Variants in PCDHA4 observed in about 807,000 individuals in gnomAD.
The protein encoded by PCDHA4 is protocadherin alpha 4.
A neutral mutation model predicts 61.4 loss-of-function variants in PCDHA4; 49 were observed. That is an observed-to-expected ratio of 0.80 (90% CI 0.63 to 1.01). The LOEUF is 1.01. Ranked by LOEUF, PCDHA4 falls within the 50% of genes least tolerant of loss-of-function variation. The pLI is 0.00. For missense variants in PCDHA4, 1,254 were observed against 1,235.8 expected (o/e 1.01, Z -0.22); for synonymous variants, 590 against 550.3 (o/e 1.07, Z -1.01).
intron 1 of PCDHA4, chr5:140,843,550 T>C (rs1554140221): frequency 6.3e-7 from 1 of 1,595,798 alleles, no homozygotes; most frequent in African/African-American, 1.3e-5. Flanking sequence ...TGTGCTCCAG[T>C]GCGGTGGGGA....
intron 1 of PCDHA4, among the ~76,000 whole-genome samples, chr5:140,820,841 T>A (rs11167609): frequency 5.3e-5 from 8 of 151,748 alleles, no homozygotes; most frequent in African/African-American, 1.7e-4. Context: ...TAATAGCAAC[T>A]TGAAGAAATG....
At chr5:140,917,037 GCA>G (rs2077840325) in intron 1 of PCDHA4, among the ~76,000 whole-genome samples, 1 of 152,268 alleles carries the variant, frequency 6.6e-6, no homozygotes, top group African/African-American at 2.4e-5. Context: ...GCTGAGTCCA[GCA>G]CAGTGTTGTT....
At chr5:140,822,806 A>G (rs2150119518) in intron 1 of PCDHA4, 6 of 1,614,176 alleles carry the variant, frequency 3.7e-6, no homozygotes, top group Non-Finnish European at 5.1e-6. Context: ...GATGTGAATG[A>G]TAATACCCCA....
At chr5:140,844,931 A>G (rs1262967576) in intron 1 of PCDHA4, among the ~76,000 whole-genome samples, 1 of 149,362 alleles carries the variant, frequency 6.7e-6, no homozygotes, top group Non-Finnish European at 1.5e-5. Flanking sequence ...GAAGGGAATG[A>G]ACGATTTCTG....
chr5:140,914,288 T>C (rs2076666061), intron 1 of PCDHA4, among the ~76,000 whole-genome samples: 1 of 152,210 alleles, frequency 6.6e-6, no homozygotes, highest in African/African-American at 2.4e-5. Flanking sequence ...ATAATTGTTA[T>C]ATCCTCTTGC....
rs202099274 is a variant in PCDHA4 at position 140,842,659 on chromosome 5, C to G, written c.2385+33087C>G. The G allele has an allele frequency of 6.9e-6, 11 of 1,595,186 alleles. No individual in the cohort carries two copies. The South Asian group carries it at 1.2e-4, about 18-fold the overall frequency. ...CCGCCAGCTTGTCTGTGGAGGTGGC[C>G]GACGTGAACGACAATGCTCCGGCGT... On this transcript the variant is annotated intron_variant, in intron 1 of 3. Transcript: ENST00000530339.
At chr5:140,814,992 GT>G (rs1765632783) in intron 1 of PCDHA4, 1 of 152,092 alleles carries the variant, frequency 6.6e-6, no homozygotes, top group Admixed American at 6.5e-5. Flanking sequence ...TTTGTGTGAT[GT>G]AGCTGTTTCC....
In PCDHA4 at chr5:140,860,044, T is replaced by C. The variant is rs116974556; in HGVS notation, c.2385+50472T>C. On this transcript the variant is annotated intron_variant, in intron 1 of 3. Coordinates refer to ENST00000530339, the MANE Select transcript of PCDHA4 (RefSeq NM_018907.4). The stretch of plus-strand genomic sequence containing the variant: ...TGGCTCACACCTGTAATCCCAGCAT[T>C]TTGAGAGGCCAAGGTGGGAGGATGG... 10 of 151,928 alleles carry C rather than the reference T, an allele frequency of 6.6e-5. No homozygotes were observed. In the East Asian group the frequency reaches 1.9e-3, roughly 29 times the overall value. 9.4% of individuals were successfully genotyped at this position (151,928 alleles called of 1,614,324 possible).
intron 1 of PCDHA4, among the ~76,000 whole-genome samples, chr5:140,908,701 C>A (rs2074102440): frequency 6.6e-6 from 1 of 152,218 alleles, no homozygotes; most frequent in Admixed American, 6.5e-5. Context: ...ACACCTCAAG[C>A]ACCATTGGAT....
At chr5:140,998,943 G>T (rs1366415632) in intron 3 of PCDHA4, among the ~76,000 whole-genome samples, 2 of 152,212 alleles carry the variant, frequency 1.3e-5, no homozygotes, top group African/African-American at 2.4e-5. Flanking sequence ...TGAAGAAACT[G>T]TAAGTCAATG....
chr5:140,862,675 G>C, intron 1 of PCDHA4: 1 of 550,422 alleles, frequency 1.8e-6, no homozygotes, highest in Non-Finnish European at 3.6e-6. Context: ...GCAGGAGAAC[G>C]TGCTGGTGTC....
chr5:140,936,113 G>T (rs1316824905), intron 1 of PCDHA4, among the ~76,000 whole-genome samples: 1 of 151,964 alleles, frequency 6.6e-6, no homozygotes, highest in African/African-American at 2.4e-5. Flanking sequence ...GGCTGGTCTC[G>T]AACTCCTGAC....
chr5:140,808,463 A>T lies in PCDHA4; in HGVS notation c.1276A>T (p.Thr426Ser). 6.2e-7 allele frequency: 1 copy of T among 1,614,166 alleles called. No individual in the cohort carries two copies. The highest frequency in any genetic ancestry group is 8.5e-7 in the Non-Finnish European group (1 of 1,180,044). The change falls in exon 1 of 4, where the codon ACC becomes TCC. Residue 426 changes from threonine (T) to serine (S), a missense_variant. Physicochemically the swap from Thr to Ser is moderately conservative, Grantham distance 58 (BLOSUM62 1). Coordinates refer to ENST00000530339, the MANE Select transcript of PCDHA4 (RefSeq NM_018907.4). ...ESVSAYELVVTARDGGSPSLW... is the reference protein window; with the variant it reads ...ESVSAYELVVSARDGGSPSLW... The stretch of plus-strand genomic sequence containing the variant: ...CGTGTCAGCCTATGAGCTGGTGGTG[A>T]CCGCGCGAGACGGGGGCTCGCCTTC...
rs2150465616 is a variant in PCDHA4, at chr5:140,850,062, T to C, written c.2385+40490T>C. ...CGGCAAGGTGTACGCGCTGCAGCCG[T>C]TGGACCACGAGGAGCTGGAGCTGCT... On this transcript the variant is annotated intron_variant, in intron 1 of 3. Transcript: ENST00000530339. 1.4e-4 allele frequency: 229 copies of C among 1,596,236 alleles called. 16 individuals are homozygous for C. The highest frequency in any genetic ancestry group is 1.1e-3 in the East Asian group (50 of 44,828).
In PCDHA4 at chr5:141,012,192, T is replaced by TA. The variant is rs1424309622; in HGVS notation, c.*2256dup. 1 of 153,796 alleles carries TA rather than the reference T, an allele frequency of 6.5e-6. No homozygotes were observed. The highest frequency in any genetic ancestry group is 6.5e-5 in the Admixed American group (1 of 15,282). The allele number at this position is 153,796 out of a possible 1,614,324, so 9.5% of individuals were successfully genotyped here. ...AATGATGATAATTATAATGTATCTGTACAGCACTTTTTACATTTGCGAAGT... is the reference window on the plus strand; with the variant it reads ...AATGATGATAATTATAATGTATCTGTAACAGCACTTTTTACATTTGCGAAGT... On this transcript the variant is annotated 3_prime_UTR_variant, in exon 4 of 4. Transcript: ENST00000530339.
intron 1 of PCDHA4, among the ~76,000 whole-genome samples, chr5:140,844,423 T>C (rs1779370902): frequency 6.7e-6 from 1 of 149,538 alleles, no homozygotes; most frequent in South Asian, 2.1e-4. Flanking sequence ...ATGTTTTTTA[T>C]TCTACATGAT....
rs145229632 is a variant in PCDHA4 at position 140,928,096 on chromosome 5, C to A, written c.2386-50853C>A. ...CTACTACAGCCTGCTGATTGATGGG[C>A]CCCTGGACCGGGAGCAGATCAGTGA... On this transcript the variant is annotated intron_variant, in intron 1 of 3. Coordinates refer to ENST00000530339, the MANE Select transcript of PCDHA4 (RefSeq NM_018907.4). 3.5e-5 allele frequency: 57 copies of A among 1,614,052 alleles called. No homozygotes were observed. In the African/African-American group the frequency reaches 6.8e-4, roughly 19 times the overall value.
At chr5:140,809,809 T>G (rs1346866835) in intron 1 of PCDHA4, 5 of 428,380 alleles carry the variant, frequency 1.2e-5, no homozygotes, top group Non-Finnish European at 2.0e-5. Flanking sequence ...CTAGTAAATT[T>G]TCACTATATT....
intron 3 of PCDHA4, among the ~76,000 whole-genome samples, chr5:140,994,615 G>C (rs2097641272): frequency 6.6e-6 from 1 of 152,078 alleles, no homozygotes; most frequent in Admixed American, 6.6e-5. Context: ...TGAGGCACGA[G>C]AGTCACTTGA....
Sources: allele counts gnomAD v4.1 joint callset (sites outside exome capture counted in the v4.1 genomes callset), GRCh38; gene constraint gnomAD v4.1.1; transcripts MANE v1.5; gene names NCBI Gene and HGNC (gene_info 2026-07-23, HGNC 2026-07-21).